The following GIGYF1 variants were observed in gnomAD, a reference collection of about 807,000 sequenced individuals.
GIGYF1 encodes GRB10 interacting GYF protein 1, also known as GRB10-interacting GYF protein 1.
A neutral mutation model predicts 147.1 loss-of-function variants in GIGYF1; 84 were observed. The observed-to-expected ratio is 0.57, with a 90% CI of 0.48 to 0.68. The LOEUF is 0.68. GIGYF1 is among the 30% of genes least tolerant of loss of function. The pLI is 0.00. For missense variants in GIGYF1, 1,485 were observed against 1,393.7 expected, an observed-to-expected ratio of 1.07 and a Z score of -1.04; for synonymous variants, 752 against 589.5, an observed-to-expected ratio of 1.28 and a Z score of -3.99.
intron 5 of GIGYF1, 31 bp downstream of exon 5, chr7:100,687,950 C>A: frequency 6.2e-7 from 1 of 1,609,812 alleles, no homozygotes; most frequent in Non-Finnish European, 8.5e-7. Context: ...CAGAGGCCAC[C>A]ACCGCCAACC....
chr7:100,682,918 G>A (rs1804925655), intron 22 of GIGYF1, 94 bp downstream of exon 22: 1 of 1,277,848 alleles, frequency 7.8e-7, no homozygotes, highest in South Asian at 1.5e-5. Context: ...GCTGGGACTG[G>A]GGCTGGGGCT....
intron 6 of GIGYF1, 52 bp from the exon 7 acceptor site, chr7:100,687,668 C>A: frequency 6.8e-7 from 1 of 1,460,008 alleles, no homozygotes; most frequent in Non-Finnish European, 9.4e-7. Flanking sequence ...CAACCACCTC[C>A]ACCCCCACCC....
At position 100,680,087 on chromosome 7, in the gene GIGYF1, C is replaced by G. The variant is rs1804582868; in HGVS notation, c.*1632G>C. The stretch of plus-strand genomic sequence containing the variant: ...TTCAGGGACGCTAACACTGTGGGAA[C>G]CAGGGAGAGGCAGGTGGGGGCCCCC... On this transcript the variant is annotated 3_prime_UTR_variant, in exon 27 of 27. Coordinates refer to ENST00000678049, the MANE Select transcript of GIGYF1 (RefSeq NM_001375765.1). The G allele has an allele frequency of 6.8e-6, 1 of 147,510 alleles. No homozygotes were observed. The highest frequency in any genetic ancestry group is 1.5e-5 in the Non-Finnish European group (1 of 67,500). 9.1% of individuals were successfully genotyped at this position (147,510 alleles called of 1,614,324 possible). A position where few individuals can be genotyped will look rare whatever the true frequency, so the allele number is the denominator to read the frequency against.
Position 100,686,798 on chromosome 7 carries a change from C to T in GIGYF1, c.545G>A (p.Gly182Glu). ...RDGARCGFEE[G>E]GAGPRKEHAR... Reference sequence around the variant, plus strand: ...GTGCTCCTTCCTTGGGCCAGCCCCTCCCTCCTCAAAGCCACATCGTGCTGG... The same window carrying T: ...GTGCTCCTTCCTTGGGCCAGCCCCTTCCTCCTCAAAGCCACATCGTGCTGG... The change falls in exon 10 of 27, where the codon GGA becomes GAA. Residue 182 changes from glycine to glutamate, a missense_variant. Gly to Glu is a moderately conservative substitution (Grantham distance 98). Transcript: ENST00000678049. 1 of 1,613,920 alleles carries T rather than the reference C, an allele frequency of 6.2e-7. No individual in the cohort carries two copies. The highest frequency in any genetic ancestry group is 8.5e-7 in the Non-Finnish European group (1 of 1,179,954).
rs535220937 is a variant in GIGYF1 at position 100,687,924 on chromosome 7, A to C, written c.166-41T>G. The C allele has an allele frequency of 1.9e-6, 3 of 1,612,524 alleles. No individual in the cohort carries two copies. The South Asian group carries it at 3.3e-5, about 18-fold the overall frequency. On this transcript the variant is annotated intron_variant, in intron 5 of 26. Coordinates refer to ENST00000678049, the MANE Select transcript of GIGYF1 (RefSeq NM_001375765.1). ...GACAGCCAAGACACCACATGCTGCC[A>C]GATCCCCTCCACAGGCAGAGGCCAC...
chr7:100,682,754 G>T lies in GIGYF1; in HGVS notation c.2436C>A (p.Ala812=), dbSNP rs765068356. Residue 812 remains alanine (A), a synonymous_variant, in exon 23 of 27, where the codon GCC becomes GCA. Coordinates refer to ENST00000678049, the MANE Select transcript of GIGYF1 (RefSeq NM_001375765.1). ...HRVQLGGLGT[A]PLNQWVSEAG... ...CCTCAGACACCCACTGGTTCAGGGG[G>T]GCAGTGCCCAGGCCCCCAAGCTGCT... 1.3e-6 allele frequency: 2 copies of T among 1,535,774 alleles called. No homozygotes were observed. Among genetic ancestry groups the T allele is most frequent in the African/African-American group, 1.4e-5 (1 of 72,378 alleles).
chr7:100,683,498 G>A, intron 20 of GIGYF1, 52 bp downstream of exon 20: 1 of 1,613,712 alleles, frequency 6.2e-7, no homozygotes, highest in Non-Finnish European at 8.5e-7. Context: ...CCTGGGGCCT[G>A]CCTCGGTCCA....
Position 100,688,210 on chromosome 7 carries a change from G to C in GIGYF1, c.29C>G (p.Pro10Arg). The C allele has an allele frequency of 1.2e-6, 2 of 1,612,800 alleles. No homozygotes were observed. Among genetic ancestry groups the C allele is most frequent in the Non-Finnish European group, 8.5e-7 (1 of 1,179,538 alleles). ...CGAGGCACAAGTGACTCACCACTCAGGCCCAAAGTTGAGTGTCTCTGCTGC... is the reference window on the plus strand; with the variant it reads ...CGAGGCACAAGTGACTCACCACTCACGCCCAAAGTTGAGTGTCTCTGCTGC... MAAETLNFG[P>R]EWLRALSGGG... Residue 10 changes from proline to arginine, a missense_variant, in exon 4 of 27, where the codon CCT becomes CGT. Pro to Arg is a moderately radical substitution (Grantham distance 103, BLOSUM62 -2). Transcript: ENST00000678049.
chr7:100,688,497 A>C lies in GIGYF1; in HGVS notation c.-116T>G. The C allele has an allele frequency of 2.9e-6, 2 of 684,924 alleles. No individual in the cohort carries two copies. The highest frequency in any genetic ancestry group is 5.3e-6 in the Non-Finnish European group (2 of 373,930). 42.4% of individuals were successfully genotyped at this position (684,924 alleles called of 1,614,324 possible). ...TCACACCATGAGTTACCCAGAGATGAGTCCAGACGGTGAAAGACCTGGGGG... is the reference window on the plus strand; with the variant it reads ...TCACACCATGAGTTACCCAGAGATGCGTCCAGACGGTGAAAGACCTGGGGG... On this transcript the variant is annotated 5_prime_UTR_variant, in exon 3 of 27. Coordinates refer to ENST00000678049, the MANE Select transcript of GIGYF1 (RefSeq NM_001375765.1).
Position 100,694,200 on chromosome 7 carries a change from G to C in GIGYF1, c.-1189C>G, listed in dbSNP as rs1287668007. 1.4e-5 allele frequency among the ~76,000 whole-genome samples: 2 copies of C among 145,440 alleles called. No individual in the cohort carries two copies. Among genetic ancestry groups the C allele is most frequent in the South Asian group, 4.2e-4 (2 of 4,728 alleles). ...GCGACGGCGGCTAGCAGCGGGGGAG[G>C]GGGCGCTGGCGCTCCCGCGGCGGCC... On this transcript the variant is annotated 5_prime_UTR_variant, in exon 1 of 27. Coordinates refer to ENST00000678049, the MANE Select transcript of GIGYF1 (RefSeq NM_001375765.1).
intron 1 of GIGYF1, among the ~76,000 whole-genome samples, chr7:100,693,311 T>C (rs1805970736): frequency 6.6e-6 from 1 of 151,976 alleles, no homozygotes; most frequent in Non-Finnish European, 1.5e-5. Context: ...TTTTTTTTTT[T>C]TAAGGCAAAG....
intron 1 of GIGYF1, among the ~76,000 whole-genome samples, chr7:100,692,773 C>G (rs891766271): frequency 2.0e-5 from 3 of 152,194 alleles, no homozygotes; most frequent in African/African-American, 4.8e-5. Flanking sequence ...GACACCAAGG[C>G]CAGGTCTACC....
In GIGYF1 at chr7:100,687,357, G is replaced by A. The variant is rs1475969251; in HGVS notation, c.423C>T (p.Gly141=). Residue 141 remains glycine, a synonymous_variant, in exon 8 of 27, where the codon GGC becomes GGT. Coordinates refer to ENST00000678049, the MANE Select transcript of GIGYF1 (RefSeq NM_001375765.1). ...GGGGGCTTCGTCCAAAGGCCCCATC[G>A]CCTTCTTCGATGCTTCTTTGGTAAA... is the stretch of plus-strand genomic sequence containing the variant. The part of the protein sequence containing the change: ...SCFYQRSIEE[G]DGAFGRSPRE... 4.3e-6 allele frequency: 7 copies of A among 1,613,380 alleles called. No homozygotes were observed. The highest frequency in any genetic ancestry group is 1.1e-5 in the South Asian group (1 of 91,082).
chr7:100,688,352 C>A (rs1805576580), intron 3 of GIGYF1, 45 bp from the exon 4 acceptor site: 2 of 886,068 alleles, frequency 2.3e-6, no homozygotes, highest in South Asian at 3.0e-5. Context: ...CGAAGGAGAA[C>A]TTTAAAGCGC....
Position 100,681,652 on chromosome 7 carries a change from G to A in GIGYF1, c.*67C>T, listed in dbSNP as rs1420346589. ...GCTCTCTGCGGGGAGCCTGCAGGCT[G>A]GGACCCTCGGTCCACGCCGCTGTGG... is the stretch of plus-strand genomic sequence containing the variant. On this transcript the variant is annotated 3_prime_UTR_variant, in exon 27 of 27. Coordinates refer to ENST00000678049, the MANE Select transcript of GIGYF1 (RefSeq NM_001375765.1). The A allele has an allele frequency of 1.4e-6, 2 of 1,444,736 alleles. No homozygotes were observed. The highest frequency in any genetic ancestry group is 9.3e-7 in the Non-Finnish European group (1 of 1,076,896). 89.5% of individuals were successfully genotyped at this position (1,444,736 alleles called of 1,614,324 possible).
rs1342099051 is a variant in GIGYF1, at chr7:100,688,028, G to A, written c.118C>T (p.Arg40Cys). The stretch of plus-strand genomic sequence containing the variant: ...GCCAGCATTTCCTCTCGCCCATAAC[G>A]GTAGTCAGCCAGCTTGTATTTGGGC... Reference protein sequence around the residue: ...AMPKYKLADYRYGREEMLALY... With the variant: ...AMPKYKLADYCYGREEMLALY... Residue 40 changes from arginine to cysteine, a missense_variant, in exon 5 of 27, where the codon CGT becomes TGT. By Grantham distance (180) the Arg-to-Cys change is radical. Coordinates refer to ENST00000678049, the MANE Select transcript of GIGYF1 (RefSeq NM_001375765.1). The A allele has an allele frequency of 8.1e-6, 13 of 1,613,562 alleles. No individual in the cohort carries two copies. The highest frequency in any genetic ancestry group is 2.7e-5 in the African/African-American group (2 of 74,918).
chr7:100,687,650 C>T, intron 6 of GIGYF1, 34 bp from the exon 7 acceptor site: 1 of 1,557,418 alleles, frequency 6.4e-7, no homozygotes, highest in Non-Finnish European at 8.7e-7. Context: ...AGTGAGGACC[C>T]AGGCACCCAA....
Position 100,684,807 on chromosome 7 carries a change from G to T in GIGYF1, c.1378C>A (p.His460Asn). ...TAAMQTQGLR[H>N]SAAATALPLS... ...GGGAGGGCAGTGGCGGCTGCAGAGTGGCGCAGGCCCTGGGTCTGCATGGCA... is the reference window on the plus strand; with the variant it reads ...GGGAGGGCAGTGGCGGCTGCAGAGTTGCGCAGGCCCTGGGTCTGCATGGCA... The change falls in exon 15 of 27, where the codon CAC becomes AAC. Residue 460 changes from histidine to asparagine, a missense_variant. By Grantham distance (68) the His-to-Asn change is moderately conservative (BLOSUM62 1). Transcript: ENST00000678049. 6.2e-7 allele frequency: 1 copy of T among 1,610,910 alleles called. No homozygotes were observed. The highest frequency in any genetic ancestry group is 1.1e-5 in the South Asian group (1 of 90,822).
At chr7:100,693,265 G>T (rs1253367464) in intron 1 of GIGYF1, among the ~76,000 whole-genome samples, 1 of 149,948 alleles carries the variant, frequency 6.7e-6, no homozygotes, top group Non-Finnish European at 1.5e-5. Flanking sequence ...GAGAGACGAG[G>T]GGCTTTTAAA....
Sources: gnomAD v4.1 joint callset for allele counts (sites outside exome capture counted in the v4.1 genomes callset) on GRCh38, gnomAD v4.1.1 for gene constraint, MANE v1.5 for transcripts, NCBI Gene and HGNC (gene_info 2026-07-23, HGNC 2026-07-21) for gene names.